The following TAFA1 variants were observed in gnomAD, a reference collection of about 807,000 sequenced individuals.
TAFA1 encodes the protein TAFA chemokine like family member 1.
TAFA1 carries 4 observed loss-of-function variants against 18.5 expected under a neutral mutation model. That is an observed-to-expected ratio of 0.22 (90% CI 0.11 to 0.49). TAFA1 has a LOEUF of 0.49. Among genes scored for constraint, TAFA1 ranks in the 20% least tolerant of loss-of-function variants. TAFA1 has a pLI of 0.98. For synonymous variants in TAFA1, 56 were observed against 55.2 expected, an observed-to-expected ratio of 1.01 and a Z score of -0.06; for missense variants, 147 against 169.0, an observed-to-expected ratio of 0.87 and a Z score of 0.72.
At chr3:68,200,059 ATTTTATTGAATGCTT>A (rs2107036546) in intron 2 of TAFA1, among the ~76,000 whole-genome samples, 1 of 151,668 alleles carries the variant, frequency 6.6e-6, no homozygotes, top group African/African-American at 2.4e-5. Flanking sequence ...TGGATGTTGG[ATTTTATTGAATGCTT>A]TTTCTGCATC....
rs1156300640 is a variant in TAFA1, at chr3:68,287,628, A to G, written c.119-129652A>G. Among the ~76,000 whole-genome samples the G allele has an allele frequency of 3.9e-5, 6 of 151,988 alleles. No individual in the cohort carries two copies. In the South Asian group the frequency reaches 8.3e-4, roughly 21 times the overall value. On this transcript the variant is annotated intron_variant, in intron 2 of 4. Coordinates refer to ENST00000478136, the MANE Select transcript of TAFA1 (RefSeq NM_213609.4). ...CAGTTTTGCATCATTTCTCCTCCCA[A>G]TGGCTTTAAAGGTACCTCCTGTTGC...
intron 2 of TAFA1, among the ~76,000 whole-genome samples, chr3:68,397,589 G>A (rs2070408539): frequency 6.6e-6 from 1 of 152,166 alleles, no homozygotes; most frequent in Admixed American, 6.5e-5. Context: ...TTGTTTGCAA[G>A]TCTTTGCTAT....
chr3:68,256,263 C>T (rs1004261632), intron 2 of TAFA1, among the ~76,000 whole-genome samples: 5 of 152,094 alleles, frequency 3.3e-5, no homozygotes. Flanking sequence ...CACTTCCTCA[C>T]CTCAAAAAGT....
chr3:68,078,490 T>A (rs948037815), intron 2 of TAFA1, among the ~76,000 whole-genome samples: 2 of 152,204 alleles, frequency 1.3e-5, no homozygotes, highest in Non-Finnish European at 2.9e-5. Flanking sequence ...GTCCCATCAA[T>A]ACCTAATTTA....
intron 2 of TAFA1, among the ~76,000 whole-genome samples, chr3:68,181,270 A>G (rs1283321030): frequency 6.6e-6 from 1 of 152,138 alleles, no homozygotes; most frequent in Admixed American, 6.5e-5. Context: ...TGATCTGTAG[A>G]AACTGTGTCT....
At chr3:68,211,933 G>A (rs547891351) in intron 2 of TAFA1, among the ~76,000 whole-genome samples, 2 of 152,152 alleles carry the variant, frequency 1.3e-5, no homozygotes, top group South Asian at 4.1e-4. Context: ...ACCTCCAACA[G>A]TGGGAATGAC....
chr3:68,527,228 C>T (rs1575952413), intron 3 of TAFA1, among the ~76,000 whole-genome samples: 1 of 152,012 alleles, frequency 6.6e-6, no homozygotes, highest in Non-Finnish European at 1.5e-5. Flanking sequence ...ATAGAATAAG[C>T]CAGGGACTCC....
chr3:68,363,808 C>G (rs893549449), intron 2 of TAFA1, among the ~76,000 whole-genome samples: 4 of 152,070 alleles, frequency 2.6e-5, no homozygotes, highest in Non-Finnish European at 1.5e-5. Flanking sequence ...CAAGTTATAG[C>G]TTTTTTCTTT....
chr3:68,003,644 A>T (rs1406557797), upstream of TAFA1, among the ~76,000 whole-genome samples: 9 of 120,428 alleles, frequency 7.5e-5, no homozygotes, highest in African/African-American at 2.4e-4. Context: ...TAGTAAGAGG[A>T]AGAAGATGTT....
chr3:68,162,762 C>G (rs2065940942), intron 2 of TAFA1, among the ~76,000 whole-genome samples: 1 of 152,138 alleles, frequency 6.6e-6, no homozygotes, highest in South Asian at 2.1e-4. Context: ...AGACAAGAGG[C>G]AGAAAAGCAA....
intron 2 of TAFA1, among the ~76,000 whole-genome samples, chr3:68,410,574 A>G (rs1483178134): frequency 6.6e-6 from 1 of 151,978 alleles, no homozygotes; most frequent in Non-Finnish European, 1.5e-5. Flanking sequence ...TGAGTAGTAC[A>G]AACAACCTCC....
chr3:68,515,757 T>G (rs1399803011), intron 3 of TAFA1, among the ~76,000 whole-genome samples: 1 of 152,220 alleles, frequency 6.6e-6, no homozygotes, highest in Non-Finnish European at 1.5e-5. Flanking sequence ...GTGTAAAATG[T>G]GGATAATAAT....
chr3:68,162,394 A>G (rs774214763), intron 2 of TAFA1, among the ~76,000 whole-genome samples: 35 of 151,926 alleles, frequency 2.3e-4, no homozygotes, highest in Non-Finnish European at 3.7e-4. Context: ...ACAGTTCACA[A>G]TAGGGTTCAG....
intron 3 of TAFA1, among the ~76,000 whole-genome samples, chr3:68,483,410 TC>T (rs1282992963): frequency 3.3e-5 from 5 of 152,192 alleles, no homozygotes; most frequent in Non-Finnish European, 7.3e-5. Flanking sequence ...CCCATTTACA[TC>T]TTTTTCATTA....
chr3:68,270,751 G>A lies in TAFA1; in HGVS notation c.119-146529G>A, dbSNP rs1268079551. On this transcript the variant is annotated intron_variant, in intron 2 of 4. Transcript: ENST00000478136. ...TATAACTTCATTTTCTAGAGGGTGTGCCTGACTGGCCCACTGGCAGCTATG... is the reference window on the plus strand; with the variant it reads ...TATAACTTCATTTTCTAGAGGGTGTACCTGACTGGCCCACTGGCAGCTATG... Among the ~76,000 whole-genome samples, 3 of 152,108 alleles carry A rather than the reference G, an allele frequency of 2.0e-5. No individual in the cohort carries two copies. In the East Asian group the frequency reaches 5.8e-4, roughly 29 times the overall value.
intron 2 of TAFA1, among the ~76,000 whole-genome samples, chr3:68,185,724 A>G (rs576687257): frequency 6.6e-6 from 1 of 151,900 alleles, no homozygotes; most frequent in Non-Finnish European, 1.5e-5. Context: ...AGCCTGGGCA[A>G]CATAAAGAAA....
chr3:68,153,395 G>A (rs1257682794), intron 2 of TAFA1, among the ~76,000 whole-genome samples: 3 of 152,134 alleles, frequency 2.0e-5, no homozygotes, highest in Non-Finnish European at 4.4e-5. Flanking sequence ...TTTGGAGAGA[G>A]CTCTGAGGTC....
chr3:68,260,336 T>G (rs1471569568), intron 2 of TAFA1, among the ~76,000 whole-genome samples: 1 of 152,120 alleles, frequency 6.6e-6, no homozygotes, highest in Non-Finnish European at 1.5e-5. Flanking sequence ...TGAATTTGGT[T>G]TGCCAGTATT....
chr3:68,174,881 C>T (rs1014226794), intron 2 of TAFA1, among the ~76,000 whole-genome samples: 1 of 152,198 alleles, frequency 6.6e-6, no homozygotes, highest in African/African-American at 2.4e-5. Flanking sequence ...GGCTGCCCCT[C>T]CCATCACAGG....
Sources: allele counts gnomAD v4.1 joint callset (sites outside exome capture counted in the v4.1 genomes callset), GRCh38; gene constraint gnomAD v4.1.1; transcripts MANE v1.5; gene names NCBI Gene and HGNC (gene_info 2026-07-23, HGNC 2026-07-21).